Variants in CNTN1 observed in about 807,000 individuals in gnomAD.
CNTN1 encodes the protein contactin-1.
Under a neutral mutation model 126.4 loss-of-function variants are expected in CNTN1, and 38 were observed. The observed-to-expected ratio is 0.30, with a 90% CI of 0.23 to 0.39. CNTN1 has a LOEUF of 0.39. Among genes scored for constraint, CNTN1 ranks in the 10% least tolerant of loss-of-function variants. The probability of loss-of-function intolerance (pLI) is 1.00; values close to 1 mark genes in which losing one functional copy is unlikely to be tolerated. For synonymous variants in CNTN1, 413 were observed against 422.6 expected (o/e 0.98, Z 0.28); for missense variants, 1,009 against 1,248.4 (o/e 0.81, Z 2.89).
chr12:40,781,376 A>G (rs1338814152), intron 1 of CNTN1, among the ~76,000 whole-genome samples: 1 of 151,988 alleles, frequency 6.6e-6, no homozygotes, highest in African/African-American at 2.4e-5. Flanking sequence ...GACCATTCCA[A>G]TAGAAAATTT....
intron 1 of CNTN1, among the ~76,000 whole-genome samples, chr12:40,854,297 T>G (rs1942821834): frequency 6.6e-6 from 1 of 151,962 alleles, no homozygotes; most frequent in African/African-American, 2.4e-5. Context: ...TGGGAGAGAA[T>G]TTAGATGAAT....
chr12:41,055,644 G>C (rs1001269284), intron 23 of CNTN1, among the ~76,000 whole-genome samples: 6 of 152,066 alleles, frequency 3.9e-5, no homozygotes, highest in Non-Finnish European at 5.9e-5. Context: ...CATGAATGGA[G>C]GTTTGGCAGT....
chr12:40,989,632 C>G (rs1039762572), intron 16 of CNTN1, among the ~76,000 whole-genome samples: 7 of 152,160 alleles, frequency 4.6e-5, no homozygotes, highest in African/African-American at 1.7e-4. Context: ...CATTGAGACA[C>G]TGTCCACTCT....
chr12:40,717,569 G>A (rs1942079662), intron 1 of CNTN1, among the ~76,000 whole-genome samples: 1 of 152,048 alleles, frequency 6.6e-6, no homozygotes, highest in African/African-American at 2.4e-5. Context: ...TTCACCTGGT[G>A]TCAATATTTG....
chr12:40,880,831 T>A (rs772189552), intron 1 of CNTN1, among the ~76,000 whole-genome samples: 15 of 152,004 alleles, frequency 9.9e-5, no homozygotes, highest in Non-Finnish European at 2.1e-4. Flanking sequence ...ATGACACTTT[T>A]TTTTTCAGTT....
chr12:40,942,982 A>G (rs1946308307), intron 12 of CNTN1, among the ~76,000 whole-genome samples: 1 of 152,122 alleles, frequency 6.6e-6, no homozygotes, highest in Admixed American at 6.6e-5. Context: ...AAAAAATCCA[A>G]TGACAGGCAA....
intron 1 of CNTN1, among the ~76,000 whole-genome samples, chr12:40,863,513 A>T (rs1196216194): frequency 6.6e-6 from 1 of 152,164 alleles, no homozygotes; most frequent in African/African-American, 2.4e-5. Context: ...ATGTATAGCA[A>T]ATAACCTCTA....
chr12:41,021,907 C>A (rs570920900), intron 20 of CNTN1, among the ~76,000 whole-genome samples: 16 of 152,022 alleles, frequency 1.1e-4, no homozygotes, highest in African/African-American at 3.1e-4. Context: ...ATGTGTAGAG[C>A]TTGGAAAGTA....
chr12:41,049,608 T>G, intron 23 of CNTN1, among the ~76,000 whole-genome samples: 1 of 152,258 alleles, frequency 6.6e-6, no homozygotes, highest in African/African-American at 2.4e-5. Flanking sequence ...CTAATTGTGC[T>G]CTTCGCTTGG....
intron 1 of CNTN1, among the ~76,000 whole-genome samples, chr12:40,870,415 T>C (rs1943445730): frequency 6.6e-6 from 1 of 152,166 alleles, no homozygotes; most frequent in South Asian, 2.1e-4. Context: ...ATAAGATAAT[T>C]TATATGTATA....
At chr12:40,993,383 A>ATACACACACATGCTTTTC in intron 17 of CNTN1, 114 bp downstream of exon 17, 1 of 874,308 alleles carries the variant, frequency 1.1e-6, no homozygotes, top group Non-Finnish European at 1.8e-6. Context: ...TTCATCTGAA[A>ATACACACACATGCTTTTC]AGCATGTGTG....
rs796708026 is a variant in CNTN1, at chr12:40,973,055, T to G, written c.1805-7854T>G. Among the ~76,000 whole-genome samples the G allele has an allele frequency of 8.5e-5, 13 of 152,158 alleles. 1 individual carries two copies. Among genetic ancestry groups the G allele is most frequent in the African/African-American group, 3.1e-4 (13 of 41,544 alleles). On this transcript the variant is annotated intron_variant, in intron 15 of 23. Coordinates refer to ENST00000551295, the MANE Select transcript of CNTN1 (RefSeq NM_001843.4). The stretch of plus-strand genomic sequence containing the variant: ...GAAATCATAGGACAGATGTGACTTG[T>G]ACCAGAAAGGGAAGGACAACCTTAA...
At chr12:40,730,845 G>A (rs974666020) in intron 1 of CNTN1, among the ~76,000 whole-genome samples, 1 of 151,912 alleles carries the variant, frequency 6.6e-6, no homozygotes, top group Non-Finnish European at 1.5e-5. Flanking sequence ...TCAATTTGGG[G>A]GAGTATGTGT....
rs1458384278 is a variant in CNTN1, at chr12:40,692,558, T to C, written c.-111T>C. On this transcript the variant is annotated 5_prime_UTR_variant, in exon 1 of 24. Transcript: ENST00000551295. ...GGAAACCTGTAGGGTATGGTCCAGC[T>C]GTGCCGCACCGAGGCGAGCAGGAGC... is the stretch of plus-strand genomic sequence containing the variant. 6.6e-6 allele frequency: 1 copy of C among 152,412 alleles called. No individual in the cohort carries two copies. The highest frequency in any genetic ancestry group is 1.5e-5 in the Non-Finnish European group (1 of 68,160). 9.4% of individuals were successfully genotyped at this position (152,412 alleles called of 1,614,324 possible).
chr12:41,005,208 T>C (rs278905), intron 17 of CNTN1: 2 of 152,322 alleles, frequency 1.3e-5, no homozygotes, highest in African/African-American at 4.8e-5. Context: ...TGGCTAGATA[T>C]AGAATTCTGG....
intron 1 of CNTN1, among the ~76,000 whole-genome samples, chr12:40,757,327 A>G (rs1179283556): frequency 6.6e-6 from 1 of 151,866 alleles, no homozygotes; most frequent in Non-Finnish European, 1.5e-5. Context: ...ATGAAATATT[A>G]TCTTCCACAT....
At chr12:40,806,357 G>A (rs1202745352) in intron 1 of CNTN1, among the ~76,000 whole-genome samples, 2 of 152,126 alleles carry the variant, frequency 1.3e-5, no homozygotes, top group East Asian at 3.8e-4. Context: ...CCAGAGAGAA[G>A]TGTGGTTTTA....
In CNTN1 at chr12:40,972,604, GAAAT is replaced by G. The variant is rs946087662; in HGVS notation, c.1805-8300_1805-8297del. Reference sequence around the variant, plus strand: ...AAAATAATTTATTAGTCATCATAAAGAAATAAATGTCTCTGGCTCAAGATGTTAC... The same window carrying G: ...AAAATAATTTATTAGTCATCATAAAGAAATGTCTCTGGCTCAAGATGTTAC... On this transcript the variant is annotated intron_variant, in intron 15 of 23. Coordinates refer to ENST00000551295, the MANE Select transcript of CNTN1 (RefSeq NM_001843.4). 1.0e-4 allele frequency: 84 copies of G among 831,484 alleles called. No homozygotes were observed. In the African/African-American group the frequency reaches 1.5e-3, roughly 15 times the overall value. 51.5% of individuals were successfully genotyped at this position (831,484 alleles called of 1,614,324 possible).
At position 40,992,548 on chromosome 12, in the gene CNTN1, T is replaced by C. The variant is rs570665458; in HGVS notation, c.1964-572T>C. Among the ~76,000 whole-genome samples the C allele has an allele frequency of 2.6e-5, 4 of 152,196 alleles. No homozygotes were observed. The East Asian group carries it at 7.7e-4, about 29-fold the overall frequency. On this transcript the variant is annotated intron_variant, in intron 16 of 23. Coordinates refer to ENST00000551295, the MANE Select transcript of CNTN1 (RefSeq NM_001843.4). Reference sequence around the variant, plus strand: ...ATTTATCATCTAATCTATATTAGTATCTAGTAGCATGAATTCTGAGGGATA... The same window carrying C: ...ATTTATCATCTAATCTATATTAGTACCTAGTAGCATGAATTCTGAGGGATA...
Sources: allele counts gnomAD v4.1 joint callset (sites outside exome capture counted in the v4.1 genomes callset), GRCh38; gene constraint gnomAD v4.1.1; transcripts MANE v1.5; gene names NCBI Gene and HGNC (gene_info 2026-07-23, HGNC 2026-07-21).